Variants in DPP10 observed in about 807,000 individuals in gnomAD.
DPP10 encodes the protein inactive dipeptidyl peptidase 10.
Under a neutral mutation model 120.9 loss-of-function variants are expected in DPP10, and 33 were observed. That is an observed-to-expected ratio of 0.27 (90% CI 0.21 to 0.37). DPP10 has a LOEUF of 0.37. Ranked by LOEUF, DPP10 falls within the 10% of genes least tolerant of loss-of-function variation. The pLI, the probability that DPP10 is intolerant of heterozygous loss-of-function variation, is 1.00. For synonymous variants in DPP10, 337 were observed against 326.1 expected, an observed-to-expected ratio of 1.03 and a Z score of -0.36; for missense variants, 816 against 942.8, an observed-to-expected ratio of 0.87 and a Z score of 1.76.
intron 1 of DPP10, among the ~76,000 whole-genome samples, chr2:114,503,403 A>G (rs1683369946): frequency 6.6e-6 from 1 of 152,138 alleles, no homozygotes; most frequent in African/African-American, 2.4e-5. Flanking sequence ...GGGAGTTTTG[A>G]CTGATTATAA....
At chr2:115,089,246 T>C (rs997359103) in intron 1 of DPP10, among the ~76,000 whole-genome samples, 1 of 152,200 alleles carries the variant, frequency 6.6e-6, no homozygotes, top group African/African-American at 2.4e-5. Flanking sequence ...ATATTAGAAA[T>C]GTCCTGACTT....
At chr2:115,153,514 A>C (rs1377933068) in intron 1 of DPP10, among the ~76,000 whole-genome samples, 1 of 152,172 alleles carries the variant, frequency 6.6e-6, no homozygotes, top group Non-Finnish European at 1.5e-5. Flanking sequence ...GGGCACCCAC[A>C]CTGTGTGGCT....
At chr2:114,577,142 C>T (rs1050636013) in intron 1 of DPP10, among the ~76,000 whole-genome samples, 1 of 152,196 alleles carries the variant, frequency 6.6e-6, no homozygotes, top group African/African-American at 2.4e-5. Flanking sequence ...TCTCCCTCAT[C>T]TGTGCAGCAG....
chr2:115,105,801 C>A (rs952569156), intron 1 of DPP10, among the ~76,000 whole-genome samples: 1 of 152,204 alleles, frequency 6.6e-6, no homozygotes, highest in Non-Finnish European at 1.5e-5. Flanking sequence ...TAAGCAGGCA[C>A]ATCTGATGAA....
At chr2:115,805,200 G>T (rs776897432) in intron 19 of DPP10, among the ~76,000 whole-genome samples, 1 of 152,104 alleles carries the variant, frequency 6.6e-6, no homozygotes, top group East Asian at 1.9e-4. Flanking sequence ...AGCAATCAGC[G>T]AGGCTCGGTG....
intron 1 of DPP10, among the ~76,000 whole-genome samples, chr2:114,556,269 A>ATATATG (rs70937289): frequency 1.6e-4 from 23 of 139,446 alleles, no homozygotes; most frequent in African/African-American, 4.8e-4. Context: ...ATATATATAT[A>ATATATG]GGCAAATAAT....
intron 5 of DPP10, among the ~76,000 whole-genome samples, chr2:115,673,244 A>G (rs2090044206): frequency 6.6e-6 from 1 of 152,130 alleles, no homozygotes; most frequent in South Asian, 2.1e-4. Flanking sequence ...GCCAAATGCG[A>G]TTTTATTATT....
Position 114,594,369 on chromosome 2 carries a change from C to CATATAT in DPP10, c.60+151540_60+151545dup, listed in dbSNP as rs145248542. On this transcript the variant is annotated intron_variant, in intron 1 of 25. Transcript: ENST00000410059. ...TTAATACTTAATAAACTCCCTTTTA[C>CATATAT]ATATATATATATATGTGTATATATA... Among the ~76,000 whole-genome samples the CATATAT allele has an allele frequency of 1.8e-3, 267 of 147,736 alleles. 2 individuals carry two copies. Among genetic ancestry groups the CATATAT allele is most frequent in the African/African-American group, 6.2e-3 (251 of 40,262 alleles).
At chr2:114,618,572 G>A (rs1010207906) in intron 1 of DPP10, among the ~76,000 whole-genome samples, 4 of 151,944 alleles carry the variant, frequency 2.6e-5, no homozygotes, top group African/African-American at 9.7e-5. Flanking sequence ...TGGGGAGGCG[G>A]TGCTTTTGAC....
chr2:114,514,222 A>T (rs1684406568), intron 1 of DPP10, among the ~76,000 whole-genome samples: 1 of 152,222 alleles, frequency 6.6e-6, no homozygotes, highest in Non-Finnish European at 1.5e-5. Context: ...TTGAGTGATG[A>T]ACCTGGACTA....
intron 5 of DPP10, among the ~76,000 whole-genome samples, chr2:115,647,274 A>C (rs1374879167): frequency 1.3e-5 from 2 of 152,164 alleles, no homozygotes; most frequent in African/African-American, 4.8e-5. Context: ...ATGCCTTCTG[A>C]ATTCTAGAAT....
intron 1 of DPP10, among the ~76,000 whole-genome samples, chr2:115,305,690 A>G (rs2061333088): frequency 6.6e-6 from 1 of 152,002 alleles, no homozygotes; most frequent in South Asian, 2.1e-4. Context: ...GTGAGCTATG[A>G]TTGTGCCATG....
intron 1 of DPP10, among the ~76,000 whole-genome samples, chr2:114,501,460 G>T (rs1440896836): frequency 1.3e-5 from 2 of 152,106 alleles, no homozygotes; most frequent in Non-Finnish European, 2.9e-5. Flanking sequence ...ATAGACATCT[G>T]CTCCCTGGGA....
chr2:114,659,988 A>G (rs988494223), intron 1 of DPP10, among the ~76,000 whole-genome samples: 4 of 152,162 alleles, frequency 2.6e-5, no homozygotes, highest in African/African-American at 9.7e-5. Context: ...ATGGCCATCA[A>G]CACCTTCATT....
intron 3 of DPP10, among the ~76,000 whole-genome samples, chr2:115,458,399 G>A (rs1264252564): frequency 2.6e-5 from 4 of 152,066 alleles, no homozygotes; most frequent in African/African-American, 7.2e-5. Context: ...TAATTGTTTA[G>A]ACACTACTTT....
intron 1 of DPP10, among the ~76,000 whole-genome samples, chr2:115,077,747 A>G (rs987604385): frequency 1.3e-5 from 2 of 152,238 alleles, no homozygotes; most frequent in Non-Finnish European, 2.9e-5. Flanking sequence ...AGAACAGCCC[A>G]AGCCATCAAG....
At chr2:115,667,794 C>T (rs1181641376) in intron 5 of DPP10, among the ~76,000 whole-genome samples, 1 of 151,806 alleles carries the variant, frequency 6.6e-6, no homozygotes, top group Non-Finnish European at 1.5e-5. Flanking sequence ...GTTCTTTTTG[C>T]TTTATTTCTA....
intron 1 of DPP10, among the ~76,000 whole-genome samples, chr2:114,953,846 G>A (rs1232557597): frequency 6.6e-6 from 1 of 151,882 alleles, no homozygotes; most frequent in Non-Finnish European, 1.5e-5. Context: ...TTCAAATTTT[G>A]AGTTTATAAT....
At chr2:114,967,996 A>C (rs1699154269) in intron 1 of DPP10, among the ~76,000 whole-genome samples, 1 of 152,004 alleles carries the variant, frequency 6.6e-6, no homozygotes, top group Admixed American at 6.6e-5. Context: ...CAAGTGTAAA[A>C]ATCTCTGCTC....
Sources: allele counts gnomAD v4.1 joint callset (sites outside exome capture counted in the v4.1 genomes callset), GRCh38; gene constraint gnomAD v4.1.1; transcripts MANE v1.5; gene names NCBI Gene and HGNC (gene_info 2026-07-23, HGNC 2026-07-21).